Variants in COL13A1 observed in about 807,000 individuals in gnomAD.
The protein encoded by COL13A1 is collagen alpha-1(XIII) chain.
COL13A1 carries 89 observed loss-of-function variants against 130.9 expected under a neutral mutation model. The ratio of observed to expected loss-of-function variants is 0.68; its 90% CI spans 0.57 to 0.81. The LOEUF is 0.81. Ranked by LOEUF, COL13A1 falls within the 30% of genes least tolerant of loss-of-function variation. The pLI is 0.00. For synonymous variants in COL13A1, 402 were observed against 341.6 expected, an observed-to-expected ratio of 1.18 and a Z score of -1.95; for missense variants, 879 against 934.6, an observed-to-expected ratio of 0.94 and a Z score of 0.78.
intron 4 of COL13A1, among the ~76,000 whole-genome samples, chr10:69,873,695 C>T (rs567526886): frequency 1.8e-4 from 28 of 152,188 alleles, no homozygotes; most frequent in Non-Finnish European, 3.2e-4. Flanking sequence ...CTGCCACAGC[C>T]GACCACCCGC....
intron 34 of COL13A1, among the ~76,000 whole-genome samples, chr10:69,939,839 T>C (rs1326521697): frequency 6.6e-6 from 1 of 152,182 alleles, no homozygotes; most frequent in Non-Finnish European, 1.5e-5. Flanking sequence ...TCAAGGTCGG[T>C]CCCAGAATCG....
At chr10:69,836,268 G>T (rs1850029874) in intron 2 of COL13A1, among the ~76,000 whole-genome samples, 1 of 152,186 alleles carries the variant, frequency 6.6e-6, no homozygotes, top group Non-Finnish European at 1.5e-5. Context: ...GCGGTGCCCA[G>T]TGTGGGCTAC....
At chr10:69,850,939 T>C (rs941401177) in intron 2 of COL13A1, among the ~76,000 whole-genome samples, 1 of 152,182 alleles carries the variant, frequency 6.6e-6, no homozygotes, top group African/African-American at 2.4e-5. Context: ...CTGAGAGCTA[T>C]CTGCAGGCAG....
chr10:69,872,242 A>G (rs1193150001), intron 4 of COL13A1, 32 bp downstream of exon 4: 1 of 1,613,266 alleles, frequency 6.2e-7, no homozygotes, highest in East Asian at 2.2e-5. Context: ...TTTCCTTTGC[A>G]TCTCTTTTAC....
intron 12 of COL13A1, among the ~76,000 whole-genome samples, chr10:69,895,226 G>A (rs2061523951): frequency 6.6e-6 from 1 of 152,208 alleles, no homozygotes; most frequent in Non-Finnish European, 1.5e-5. Flanking sequence ...TGTCTGGTGG[G>A]CCTGCCTAGA....
In COL13A1 at chr10:69,919,184, G is replaced by A. The variant is rs959085280; in HGVS notation, c.1026+96G>A. On this transcript the variant is annotated intron_variant, in intron 20 of 40. Transcript: ENST00000645393. ...GCTGTTTTGCTCTTGGTCCCCCTGA[G>A]GCTGGCCTGGGACTGGGGACCTGGC... The A allele has an allele frequency of 2.0e-6, 3 of 1,522,632 alleles. No homozygotes were observed. The African/African-American group carries it at 4.1e-5, about 21-fold the overall frequency. The allele number at this position is 1,522,632 out of a possible 1,614,324, so 94.3% of individuals were successfully genotyped here.
rs145537858 is a variant in COL13A1 at position 69,820,649 on chromosome 10, C to T, written c.295-1720C>T. Among the ~76,000 whole-genome samples the T allele has an allele frequency of 1.8e-3, 273 of 152,338 alleles. 1 individual carries two copies. The highest frequency in any genetic ancestry group is 6.3e-3 in the African/African-American group (260 of 41,574). On this transcript the variant is annotated intron_variant, in intron 1 of 40. Transcript: ENST00000645393. ...TACCTTGGCCTCAACATTCATCCTC[C>T]TAATTGTTACTCAGCCTCCCCTTTC... is the stretch of plus-strand genomic sequence containing the variant.
intron 1 of COL13A1, among the ~76,000 whole-genome samples, chr10:69,817,517 G>C (rs1042197863): frequency 1.3e-5 from 2 of 151,958 alleles, no homozygotes; most frequent in East Asian, 1.9e-4. Context: ...ATGATTGCTG[G>C]GCTTCCGTTT....
At chr10:69,886,829 C>CCT (rs1184503979) in intron 7 of COL13A1, among the ~76,000 whole-genome samples, 1 of 152,136 alleles carries the variant, frequency 6.6e-6, no homozygotes, top group Non-Finnish European at 1.5e-5. Context: ...TAGTCTCCGT[C>CCT]CTAAATATTT....
At chr10:69,951,195 C>T (rs1388982251) in intron 38 of COL13A1, among the ~76,000 whole-genome samples, 2 of 152,114 alleles carry the variant, frequency 1.3e-5, no homozygotes, top group Non-Finnish European at 2.9e-5. Flanking sequence ...ATCTACCCTG[C>T]AGCCTTCCAC....
intron 34 of COL13A1, among the ~76,000 whole-genome samples, chr10:69,939,592 A>G (rs780645740): frequency 2.0e-5 from 3 of 152,252 alleles, no homozygotes; most frequent in Non-Finnish European, 2.9e-5. Context: ...TTCTCCAGGC[A>G]TATCCTGGAG....
intron 13 of COL13A1, 136 bp from the exon 14 acceptor site, chr10:69,898,561 G>A (rs973628703): frequency 2.9e-5 from 19 of 648,478 alleles, no homozygotes; most frequent in African/African-American, 5.5e-5. Flanking sequence ...TCATGTGCAC[G>A]CTAATCTCTC....
At chr10:69,930,959 G>T (rs896818042) in intron 30 of COL13A1, among the ~76,000 whole-genome samples, 1 of 152,214 alleles carries the variant, frequency 6.6e-6, no homozygotes, top group Non-Finnish European at 1.5e-5. Flanking sequence ...GTACAGAAAC[G>T]GGGCCTTCGC....
intron 7 of COL13A1, among the ~76,000 whole-genome samples, chr10:69,882,161 A>G (rs2060206195): frequency 6.6e-6 from 1 of 152,174 alleles, no homozygotes; most frequent in Non-Finnish European, 1.5e-5. Context: ...AACATCGAGG[A>G]CTGAGCCCGG....
intron 17 of COL13A1, among the ~76,000 whole-genome samples, chr10:69,907,649 C>T (rs1377842042): frequency 6.6e-6 from 1 of 151,406 alleles, no homozygotes; most frequent in Non-Finnish European, 1.5e-5. Flanking sequence ...CTAACCCACT[C>T]TCATGATGAC....
At chr10:69,888,204 A>G (rs1448420281) in intron 8 of COL13A1, 100 bp from the exon 9 acceptor site, 1 of 1,431,050 alleles carries the variant, frequency 7.0e-7, no homozygotes, top group Non-Finnish European at 9.7e-7. Context: ...GCTCCAACTT[A>G]TCAGAATCCA....
At chr10:69,887,964 A>G (rs1178292864) in intron 8 of COL13A1, among the ~76,000 whole-genome samples, 3 of 151,980 alleles carry the variant, frequency 2.0e-5, no homozygotes, top group African/African-American at 7.3e-5. Context: ...CTTTCTCCCA[A>G]CCTCAATGCA....
chr10:69,949,146 C>G (rs751322728), intron 38 of COL13A1, among the ~76,000 whole-genome samples: 1 of 152,168 alleles, frequency 6.6e-6, no homozygotes, highest in Non-Finnish European at 1.5e-5. Context: ...GCCCAAATGT[C>G]CTGGAAGAGT....
At chr10:69,906,793 T>A (rs910016498) in intron 17 of COL13A1, among the ~76,000 whole-genome samples, 1 of 152,062 alleles carries the variant, frequency 6.6e-6, no homozygotes, top group African/African-American at 2.4e-5. Context: ...TGCAATGGCG[T>A]GATCTCGGCT....
Sources: allele counts gnomAD v4.1 joint callset (sites outside exome capture counted in the v4.1 genomes callset), GRCh38; gene constraint gnomAD v4.1.1; transcripts MANE v1.5; gene names NCBI Gene and HGNC (gene_info 2026-07-23, HGNC 2026-07-21).